The following ACSL4 variants were observed in gnomAD, a reference collection of about 807,000 sequenced individuals.
The protein encoded by ACSL4 is acyl-CoA synthetase long chain family member 4.
A neutral mutation model predicts 49.1 loss-of-function variants in ACSL4; 9 were observed. The ratio of observed to expected loss-of-function variants is 0.18; its 90% CI spans 0.11 to 0.32. The LOEUF (loss-of-function observed/expected upper bound fraction) is 0.32. Ranked by LOEUF, ACSL4 falls within the 10% of genes least tolerant of loss-of-function variation. The pLI is 1.00. For synonymous variants in ACSL4, 191 were observed against 170.3 expected, an observed-to-expected ratio of 1.12 and a Z score of -0.95; for missense variants, 333 against 493.7, an observed-to-expected ratio of 0.67 and a Z score of 3.08.
intron 1 of ACSL4, among the ~76,000 whole-genome samples, chrX:109,717,457 T>C (rs1456962181): frequency 6.3e-5 from 7 of 110,255 alleles, no homozygotes; most frequent in Admixed American, 9.7e-5. Flanking sequence ...GATAGCGCCA[T>C]TGCACTCCAG....
chrX:109,670,584 C>CAA (rs147696733), intron 9 of ACSL4, among the ~76,000 whole-genome samples: 32 of 81,040 alleles, frequency 3.9e-4, no homozygotes, highest in African/African-American at 1.3e-3. Flanking sequence ...GACTCCGTCT[C>CAA]AAAAAAAAAA....
At position 109,644,369 on chromosome X, in the gene ACSL4, T is replaced by C. The variant is rs772941358; in HGVS notation, c.1856-183A>G. 1.2e-4 allele frequency among the ~76,000 whole-genome samples: 13 copies of C among 110,812 alleles called. 3 individuals carry two copies. The highest frequency in any genetic ancestry group is 1.2e-3 in the South Asian group (3 of 2,606). ...CAAACTTATTTAATGGTATACTAGA[T>C]AGTTTATTAATGCTACCTCTACCTT... On this transcript the variant is annotated intron_variant, in intron 15 of 15. Transcript: ENST00000672401.
intron 1 of ACSL4, among the ~76,000 whole-genome samples, chrX:109,701,677 T>C (rs1474963307): frequency 9.7e-6 from 1 of 103,111 alleles, no homozygotes; most frequent in Admixed American, 1.1e-4. Context: ...CCCGAGTAGC[T>C]GGGACTACAG....
rs756551276 is a variant in ACSL4, at chrX:109,719,253, A to C, written c.-66+13886T>G. Reference sequence around the variant, plus strand: ...AGAAACATTTTATGTAACCAAACAAAAATGGCATAGATGCAGGGTACCACA... The same window carrying C: ...AGAAACATTTTATGTAACCAAACAACAATGGCATAGATGCAGGGTACCACA... On this transcript the variant is annotated intron_variant, in intron 1 of 15. Coordinates refer to ENST00000672401, the MANE Select transcript of ACSL4 (RefSeq NM_001318510.2). Among the ~76,000 whole-genome samples, 14 of 111,824 alleles carry C rather than the reference A, an allele frequency of 1.3e-4. 3 individuals carry two copies. In the South Asian group the frequency reaches 1.5e-3, roughly 12 times the overall value.
intron 15 of ACSL4, among the ~76,000 whole-genome samples, chrX:109,644,979 T>C (rs1286598666): frequency 8.9e-6 from 1 of 112,906 alleles, no homozygotes; most frequent in East Asian, 2.8e-4. Flanking sequence ...TAAAAAACGG[T>C]GCACCAGGAG....
At chrX:109,706,916 T>C (rs529480430) in intron 1 of ACSL4, among the ~76,000 whole-genome samples, 1 of 112,207 alleles carries the variant, frequency 8.9e-6, no homozygotes, top group South Asian at 3.6e-4. Flanking sequence ...CCCACAAAAT[T>C]TGTACAATTT....
intron 1 of ACSL4, among the ~76,000 whole-genome samples, chrX:109,721,255 T>A (rs978517247): frequency 8.9e-6 from 1 of 112,437 alleles, no homozygotes. Context: ...ATTACTAACA[T>A]ATCCTGAAGC....
At chrX:109,670,528 T>C (rs1364418628) in intron 9 of ACSL4, among the ~76,000 whole-genome samples, 5 of 103,774 alleles carry the variant, frequency 4.8e-5, no homozygotes, top group Non-Finnish European at 9.8e-5. Flanking sequence ...GAGGTTGCAG[T>C]GAGCCGACAT....
At chrX:109,645,898 G>A (rs951325926) in intron 15 of ACSL4, among the ~76,000 whole-genome samples, 11 of 112,277 alleles carry the variant, frequency 9.8e-5, no homozygotes, top group Non-Finnish European at 1.1e-4. Context: ...GAGCCGATGC[G>A]ATCAACTGGA....
chrX:109,730,391 C>G (rs934687406), intron 1 of ACSL4, among the ~76,000 whole-genome samples: 1 of 112,098 alleles, frequency 8.9e-6, no homozygotes, highest in Non-Finnish European at 1.9e-5. Context: ...GTCAAAGAGT[C>G]TACAGGCTAC....
chrX:109,724,945 TG>T (rs1424931645), intron 1 of ACSL4, among the ~76,000 whole-genome samples: 2 of 108,204 alleles, frequency 1.8e-5, no homozygotes, highest in African/African-American at 6.7e-5. Context: ...TCTGTAGAGA[TG>T]GGGTTTCACC....
At chrX:109,646,541 C>T (rs1283645805) in intron 15 of ACSL4, among the ~76,000 whole-genome samples, 1 of 105,169 alleles carries the variant, frequency 9.5e-6, no homozygotes, top group African/African-American at 3.5e-5. Flanking sequence ...TGGAAAGGAA[C>T]AACCGGTACC....
intron 2 of ACSL4, among the ~76,000 whole-genome samples, chrX:109,694,836 C>T (rs1276709547): frequency 9.0e-6 from 1 of 111,595 alleles, no homozygotes; most frequent in Non-Finnish European, 1.9e-5. Flanking sequence ...GCCTCAAACA[C>T]TATGATTTTA....
intron 15 of ACSL4, among the ~76,000 whole-genome samples, chrX:109,645,974 A>G (rs1163106619): frequency 8.9e-6 from 1 of 111,846 alleles, no homozygotes; most frequent in Non-Finnish European, 1.9e-5. Flanking sequence ...TTAGAGAAAA[A>G]AGAATAAAAA....
At position 109,659,344 on chromosome X, in the gene ACSL4, TCTTA is replaced by T. The variant is rs779450925; in HGVS notation, c.1855+6_1855+9del. On this transcript the variant is annotated splice_donor_region_variant and intron_variant, in intron 15 of 15. Transcript: ENST00000672401. ...TAGGGACTATACCAGTCTAGCAATT[TCTTA>T]CTTACTGGCATTTGCAGCTTCTCGA... 13 of 1,204,255 alleles carry T rather than the reference TCTTA, an allele frequency of 1.1e-5. No individual in the cohort carries two copies. In the African/African-American group the frequency reaches 1.6e-4, roughly 15 times the overall value.
rs939369872 is a variant in ACSL4 at position 109,678,036 on chromosome X, G to A, written c.882C>T (p.Thr294=). ...LELTAEISCF[T]YGCRIGYSSP... The stretch of plus-strand genomic sequence containing the variant: ...AAGAATATCCAATCCTGCAGCCATA[G>A]GTAAAGCAAGATATCTCTGCTGTCA... Residue 294 remains threonine, a synonymous_variant, in exon 8 of 16, where the codon ACC becomes ACT. Coordinates refer to ENST00000672401, the MANE Select transcript of ACSL4 (RefSeq NM_001318510.2). 1 of 1,211,206 alleles carries A rather than the reference G, an allele frequency of 8.3e-7. No homozygotes were observed. Among genetic ancestry groups the A allele is most frequent in the Non-Finnish European group, 1.1e-6 (1 of 894,918 alleles).
chrX:109,650,889 T>C (rs889141534), intron 15 of ACSL4, among the ~76,000 whole-genome samples: 4 of 112,134 alleles, frequency 3.6e-5, no homozygotes, highest in Non-Finnish European at 1.9e-5. Flanking sequence ...TACAAGTTTA[T>C]TAATTCATTC....
In ACSL4 at chrX:109,659,767, G is replaced by A. The variant is rs763517281; in HGVS notation, c.1698-256C>T. On this transcript the variant is annotated intron_variant, in intron 14 of 15. Transcript: ENST00000672401. ...CAAGGGTGTTAAGACCACTCAATGA[G>A]GAAAGGACAGTCTCGTCAACAAATG... Among the ~76,000 whole-genome samples the A allele has an allele frequency of 3.2e-4, 35 of 110,704 alleles. No individual in the cohort carries two copies. The South Asian group carries it at 8.8e-3, about 28-fold the overall frequency.
At chrX:109,701,285 C>T (rs1200019048) in intron 1 of ACSL4, among the ~76,000 whole-genome samples, 1 of 108,536 alleles carries the variant, frequency 9.2e-6, no homozygotes. Context: ...GGCATGATCT[C>T]GGCTCACTGC....
Sources: allele counts gnomAD v4.1 joint callset (sites outside exome capture counted in the v4.1 genomes callset), GRCh38; gene constraint gnomAD v4.1.1; transcripts MANE v1.5; gene names NCBI Gene and HGNC (gene_info 2026-07-23, HGNC 2026-07-21).